Variants in GALNS observed in about 807,000 individuals in gnomAD.
GALNS encodes the protein galactosamine (N-acetyl)-6-sulfatase.
A neutral mutation model predicts 65.9 loss-of-function variants in GALNS; 65 were observed. That is an observed-to-expected ratio of 0.99 (90% confidence interval 0.81 to 1.21). The LOEUF (loss-of-function observed/expected upper bound fraction) is 1.21, where lower values mean the gene tolerates loss of function less well. GALNS is among the 50% of genes most tolerant of loss of function. The pLI, the probability that GALNS is intolerant of heterozygous loss-of-function variation, is 0.00. For synonymous variants in GALNS, 346 were observed against 288.9 expected, an observed-to-expected ratio of 1.20 and a Z score of -2.00; for missense variants, 776 against 700.7, an observed-to-expected ratio of 1.11 and a Z score of -1.21.
chr16:88,816,564 C>T (rs1166481422), intron 13 of GALNS: 1 of 964,302 alleles, frequency 1.0e-6, no homozygotes, highest in East Asian at 1.3e-4. Context: ...CCTGCCCAGT[C>T]CTAAATAACC....
At chr16:88,856,384 C>T (rs1555525760) in intron 1 of GALNS, 3 of 701,736 alleles carry the variant, frequency 4.3e-6, no homozygotes, top group Non-Finnish European at 7.8e-6. Flanking sequence ...GCCCACCTTT[C>T]CCAAGAGTAG....
At chr16:88,836,596 G>C (rs1474939469) in intron 5 of GALNS, among the ~76,000 whole-genome samples, 1 of 152,100 alleles carries the variant, frequency 6.6e-6, no homozygotes, top group Non-Finnish European at 1.5e-5. Context: ...GGAGGTTGCA[G>C]TGAGCCGAGA....
Position 88,856,914 on chromosome 16 carries a change from C to G in GALNS, c.-37G>C, listed in dbSNP as rs1389591769. 3.3e-6 allele frequency: 5 copies of G among 1,495,718 alleles called. No homozygotes were observed. Among genetic ancestry groups the G allele is most frequent in the Non-Finnish European group, 3.5e-6 (4 of 1,130,872 alleles). 92.7% of individuals were successfully genotyped at this position (1,495,718 alleles called of 1,614,324 possible). A position where few individuals can be genotyped will look rare whatever the true frequency, so the allele number is the denominator to read the frequency against. On this transcript the variant is annotated 5_prime_UTR_variant, in exon 1 of 14. Coordinates refer to ENST00000268695, the MANE Select transcript of GALNS (RefSeq NM_000512.5). Reference sequence around the variant, plus strand: ...GAGCCGCGGAGCCCCGGCCAGCGAGCCGACCTAGCGAGCGTCCGCCGGCCC... The same window carrying G: ...GAGCCGCGGAGCCCCGGCCAGCGAGGCGACCTAGCGAGCGTCCGCCGGCCC...
chr16:88,826,750 T>A lies in GALNS; in HGVS notation c.1091A>T (p.Asp364Val). The A allele has an allele frequency of 6.2e-7, 1 of 1,611,940 alleles. No homozygotes were observed. Among genetic ancestry groups the A allele is most frequent in the Non-Finnish European group, 8.5e-7 (1 of 1,179,542 alleles). The change falls in exon 10 of 14, where the codon GAT becomes GTT. Residue 364 changes from aspartate to valine, a missense_variant. Transcript: ENST00000268695. ...GAGGGTGGGGAGGAGGTTGAGGCCATCAATGGCCCTGTCGCTGGGCGGCGT... is the reference window on the plus strand; with the variant it reads ...GAGGGTGGGGAGGAGGTTGAGGCCAACAATGGCCCTGTCGCTGGGCGGCGT... ...GLTPPSDRAI[D>V]GLNLLPTLLQ...
At chr16:88,822,740 G>C (rs372784373) in intron 11 of GALNS, 30 bp from the exon 12 acceptor site, 8 of 1,608,404 alleles carry the variant, frequency 5.0e-6, no homozygotes, top group Non-Finnish European at 6.8e-6. Context: ...GGTGTGTCCT[G>C]GAGCCCCTGA....
chr16:88,834,799 G>A (rs560990564), intron 8 of GALNS, among the ~76,000 whole-genome samples: 8 of 152,282 alleles, frequency 5.3e-5, no homozygotes, highest in African/African-American at 1.4e-4. Flanking sequence ...GAGGCAGCCC[G>A]GCCCCTGGGT....
At chr16:88,852,139 C>T (rs1039211220) in intron 1 of GALNS, among the ~76,000 whole-genome samples, 2 of 152,138 alleles carry the variant, frequency 1.3e-5, no homozygotes, top group African/African-American at 4.8e-5. Flanking sequence ...AGGCAGGTGC[C>T]CCTCTGGGAC....
chr16:88,822,460 T>C (rs777895353), intron 12 of GALNS, 129 bp downstream of exon 12: 4 of 1,262,792 alleles, frequency 3.2e-6, no homozygotes, highest in African/African-American at 1.5e-5. Flanking sequence ...TGGGTATGAA[T>C]AGCAACAGCA....
chr16:88,833,077 CAAAAAAAAAAAA>C (rs869226834), intron 8 of GALNS, among the ~76,000 whole-genome samples: 9 of 74,656 alleles, frequency 1.2e-4, no homozygotes, highest in Non-Finnish European at 2.3e-4. Flanking sequence ...GACTCCTTCT[CAAAAAAAAAAAA>C]AAAAAAAAAA....
At chr16:88,821,609 A>T (rs942137670) in intron 12 of GALNS, among the ~76,000 whole-genome samples, 1 of 152,216 alleles carries the variant, frequency 6.6e-6, no homozygotes, top group Non-Finnish European at 1.5e-5. Context: ...CCGCAGGCTC[A>T]GCCCCGTGGG....
intron 8 of GALNS, 116 bp from the exon 9 acceptor site, chr16:88,832,217 C>T: frequency 1.1e-6 from 1 of 949,158 alleles, no homozygotes; most frequent in Non-Finnish European, 1.7e-6. Context: ...GGCCAAGGCA[C>T]TCTGGCTGGA....
rs747224447 is a variant in GALNS, at chr16:88,842,849, G to A, written c.121-20C>T. On this transcript the variant is annotated intron_variant, in intron 1 of 13. Transcript: ENST00000268695. ...TCCCATCTGCAGGGAAGAGCACGGG[G>A]AGGAGGAATGAGCGCCTTCTGCAGG... 1.9e-6 allele frequency: 3 copies of A among 1,611,924 alleles called. No homozygotes were observed. Among genetic ancestry groups the A allele is most frequent in the African/African-American group, 1.3e-5 (1 of 74,918 alleles).
At chr16:88,814,550 G>C (rs1159184105) in intron 13 of GALNS, 25 bp from the exon 14 acceptor site, 1 of 1,551,034 alleles carries the variant, frequency 6.4e-7, no homozygotes, top group Non-Finnish European at 8.7e-7. Flanking sequence ...TTGAGAAAAA[G>C]AACATGCAGT....
chr16:88,818,195 G>T, intron 12 of GALNS, 71 bp from the exon 13 acceptor site: 1 of 1,229,876 alleles, frequency 8.1e-7, no homozygotes, highest in Non-Finnish European at 1.2e-6. Context: ...GGCCTGGACA[G>T]GCTGAGGCTG....
intron 9 of GALNS, among the ~76,000 whole-genome samples, chr16:88,828,123 G>A (rs1330144634): frequency 1.3e-5 from 2 of 152,260 alleles, no homozygotes; most frequent in African/African-American, 2.4e-5. Flanking sequence ...TTTGCAGAAG[G>A]TGAGAAGCTT....
In GALNS at chr16:88,856,870, G is replaced by A. The variant is rs894681450; in HGVS notation, c.8C>T (p.Ala3Val). Residue 3 changes from alanine (A) to valine (V), a missense_variant, in exon 1 of 14, where the codon GCG (alanine) becomes GTG (valine). Transcript: ENST00000268695. MAAVVAATRWWQL... is the reference protein window; with the variant it reads MAVVVAATRWWQL... ...CCACCACCTCGTCGCCGCGACAACCGCCGCCATGGCAACCACGGGAGCCGC... is the reference window on the plus strand; with the variant it reads ...CCACCACCTCGTCGCCGCGACAACCACCGCCATGGCAACCACGGGAGCCGC... 2.0e-5 allele frequency: 30 copies of A among 1,508,654 alleles called. No individual in the cohort carries two copies. Among genetic ancestry groups the A allele is most frequent in the East Asian group, 5.4e-5 (2 of 36,976 alleles). The allele number at this position is 1,508,654 out of a possible 1,614,324, so 93.5% of individuals were successfully genotyped here.
intron 12 of GALNS, 71 bp from the exon 13 acceptor site, chr16:88,818,195 G>A (rs1029786217): frequency 6.7e-5 from 83 of 1,229,764 alleles, no homozygotes; most frequent in Non-Finnish European, 8.5e-5. Flanking sequence ...GGCCTGGACA[G>A]GCTGAGGCTG....
intron 13 of GALNS, chr16:88,816,037 G>GT (rs1909588197): frequency 1.0e-6 from 1 of 985,328 alleles, no homozygotes; most frequent in Non-Finnish European, 1.2e-6. Context: ...CTTCACACGC[G>GT]TGTCTGTGCA....
chr16:88,853,662 C>G (rs1390951029), intron 1 of GALNS, among the ~76,000 whole-genome samples: 1 of 152,242 alleles, frequency 6.6e-6, no homozygotes, highest in Non-Finnish European at 1.5e-5. Flanking sequence ...CTGGGTCTCA[C>G]CTGTCTCCAA....
Sources: gnomAD v4.1 joint callset for allele counts (sites outside exome capture counted in the v4.1 genomes callset) on GRCh38, gnomAD v4.1.1 for gene constraint, MANE v1.5 for transcripts, NCBI Gene and HGNC (gene_info 2026-07-23, HGNC 2026-07-21) for gene names.